Variants in LIPC observed in about 807,000 individuals in gnomAD.
LIPC encodes the protein hepatic triacylglycerol lipase.
Under a neutral mutation model 50.7 loss-of-function variants are expected in LIPC, and 44 were observed. The ratio of observed to expected loss-of-function variants is 0.87; its 90% CI spans 0.68 to 1.11. The LOEUF (loss-of-function observed/expected upper bound fraction) is 1.11. Among genes scored for constraint, LIPC ranks in the 50% most tolerant of loss-of-function variants. The pLI, the probability that LIPC is intolerant of heterozygous loss-of-function variation, is 0.00. For missense variants in LIPC, 697 were observed against 648.2 expected (o/e 1.08, Z -0.82); for synonymous variants, 271 against 256.4 (o/e 1.06, Z -0.54).
intron 5 of LIPC, among the ~76,000 whole-genome samples, chr15:58,546,979 C>A (rs1045651077): frequency 6.6e-6 from 1 of 150,986 alleles, no homozygotes; most frequent in African/African-American, 2.4e-5. Flanking sequence ...CAGCCACCAG[C>A]AGTTCCCAGC....
chr15:58,479,831 G>C (rs1420949806), intron 1 of LIPC, among the ~76,000 whole-genome samples: 1 of 152,124 alleles, frequency 6.6e-6, no homozygotes, highest in Non-Finnish European at 1.5e-5. Context: ...GTGAGGGAAA[G>C]GACAAAAATT....
intron 1 of LIPC, among the ~76,000 whole-genome samples, chr15:58,441,331 C>A (rs1893502873): frequency 6.6e-6 from 1 of 152,204 alleles, no homozygotes; most frequent in Non-Finnish European, 1.5e-5. Context: ...TATGAATCTT[C>A]CATCTTAAAA....
chr15:58,446,989 G>C (rs1595854892), intron 1 of LIPC, among the ~76,000 whole-genome samples: 1 of 151,546 alleles, frequency 6.6e-6, no homozygotes, highest in Non-Finnish European at 1.5e-5. Context: ...CTCTACTAAA[G>C]ATACAAAAGT....
chr15:58,564,235 C>T (rs1300254043), intron 8 of LIPC, among the ~76,000 whole-genome samples: 2 of 151,802 alleles, frequency 1.3e-5, no homozygotes, highest in African/African-American at 4.8e-5. Context: ...AACACATTTG[C>T]AGAATTCCTG....
chr15:58,472,418 A>G (rs1890844039), intron 1 of LIPC, among the ~76,000 whole-genome samples: 1 of 151,778 alleles, frequency 6.6e-6, no homozygotes, highest in South Asian at 2.1e-4. Flanking sequence ...CTACCAAAAC[A>G]TACAAAAGTT....
At chr15:58,508,673 GGA>G (rs1288059212) in intron 1 of LIPC, among the ~76,000 whole-genome samples, 5 of 152,118 alleles carry the variant, frequency 3.3e-5, no homozygotes, top group Admixed American at 2.6e-4. Flanking sequence ...GGGGGCTGAG[GGA>G]GAGTCCTTAC....
intron 1 of LIPC, among the ~76,000 whole-genome samples, chr15:58,521,030 T>C (rs7175593): frequency 0.76 from 115,326 of 152,044 alleles, 44,763 homozygotes; most frequent in East Asian, 0.97. Context: ...AACTTGCTTG[T>C]TGTCTGTTGG....
At chr15:58,541,684 T>C in intron 2 of LIPC, 101 bp from the exon 3 acceptor site, 1 of 1,236,432 alleles carries the variant, frequency 8.1e-7, no homozygotes. Flanking sequence ...AGAAACGTCA[T>C]AGCAAGCCCT....
At chr15:58,493,672 A>G (rs1450822766) in intron 1 of LIPC, among the ~76,000 whole-genome samples, 1 of 147,522 alleles carries the variant, frequency 6.8e-6, no homozygotes, top group Non-Finnish European at 1.5e-5. Context: ...TTTATACAAA[A>G]TTTATTACGT....
intron 1 of LIPC, among the ~76,000 whole-genome samples, chr15:58,483,407 C>T (rs1276993644): frequency 6.6e-6 from 1 of 152,160 alleles, no homozygotes; most frequent in African/African-American, 2.4e-5. Flanking sequence ...GCAATTGGCA[C>T]ACTGACCCTG....
chr15:58,569,344 T>C lies in LIPC; in HGVS notation c.*517T>C, dbSNP rs1894482532. On this transcript the variant is annotated 3_prime_UTR_variant, in exon 9 of 9. Transcript: ENST00000299022. ...ATTATTCTAATATTTATACAAATCA[T>C]ATAACGATTTCACAGAACCAAACAC... 2 of 152,210 alleles carry C rather than the reference T, an allele frequency of 1.3e-5. No individual in the cohort carries two copies. The highest frequency in any genetic ancestry group is 2.1e-4 in the South Asian group (1 of 4,830). The allele number at this position is 152,210 out of a possible 1,614,324, so 9.4% of individuals were successfully genotyped here. A position where few individuals can be genotyped will look rare whatever the true frequency, so the allele number is the denominator to read the frequency against.
chr15:58,548,943 G>T (rs773005155), intron 6 of LIPC, among the ~76,000 whole-genome samples: 1 of 152,200 alleles, frequency 6.6e-6, no homozygotes, highest in Non-Finnish European at 1.5e-5. Flanking sequence ...CTAGAACCCA[G>T]TTCTTTCATC....
chr15:58,507,629 C>G (rs1337502867), intron 1 of LIPC, among the ~76,000 whole-genome samples: 1 of 152,184 alleles, frequency 6.6e-6, no homozygotes, highest in Non-Finnish European at 1.5e-5. Flanking sequence ...TTGTACAATT[C>G]TGGAATACAG....
intron 1 of LIPC, among the ~76,000 whole-genome samples, chr15:58,468,367 G>T (rs1246824128): frequency 6.6e-6 from 1 of 152,178 alleles, no homozygotes; most frequent in Non-Finnish European, 1.5e-5. Flanking sequence ...CTGGGAACTT[G>T]TTAGACATGT....
intron 1 of LIPC, among the ~76,000 whole-genome samples, chr15:58,446,641 C>G (rs951867775): frequency 1.3e-5 from 2 of 152,132 alleles, no homozygotes; most frequent in African/African-American, 2.4e-5. Context: ...TTGCGGACCT[C>G]TCTCCCATGG....
intron 1 of LIPC, chr15:58,494,864 C>T (rs1371280421): frequency 4.4e-6 from 2 of 456,210 alleles, no homozygotes; most frequent in South Asian, 3.1e-5. Flanking sequence ...CATCTGATTT[C>T]CTTAGCAACC....
intron 1 of LIPC, chr15:58,523,320 T>C (rs1892708842): frequency 6.6e-6 from 1 of 152,276 alleles, no homozygotes; most frequent in African/African-American, 2.4e-5. Flanking sequence ...TCAGGTCACC[T>C]TTACTCTCAG....
At chr15:58,492,500 T>C (rs1339498781) in intron 1 of LIPC, among the ~76,000 whole-genome samples, 3 of 152,158 alleles carry the variant, frequency 2.0e-5, no homozygotes, top group African/African-American at 4.8e-5. Flanking sequence ...TGAACTATCA[T>C]TGAATTTCGT....
chr15:58,539,983 C>A lies in LIPC; in HGVS notation c.273+1466C>A, dbSNP rs1026701950. On this transcript the variant is annotated intron_variant, in intron 2 of 8. Coordinates refer to ENST00000299022, the MANE Select transcript of LIPC (RefSeq NM_000236.3). ...CCCGTGTGGCCCTGAGCACTCTCCA[C>A]CACTGCTCTGCAGCTCGGCTTTCTA... is the stretch of plus-strand genomic sequence containing the variant. Among the ~76,000 whole-genome samples the A allele has an allele frequency of 2.0e-5, 3 of 152,194 alleles. 1 individual carries two copies. The highest frequency in any genetic ancestry group is 7.2e-5 in the African/African-American group (3 of 41,446).
Sources: allele counts gnomAD v4.1 joint callset (sites outside exome capture counted in the v4.1 genomes callset), GRCh38; gene constraint gnomAD v4.1.1; transcripts MANE v1.5; gene names NCBI Gene and HGNC (gene_info 2026-07-23, HGNC 2026-07-21).